GPHN: variants seen among roughly 807,000 people sequenced by gnomAD.
The protein encoded by GPHN is gephyrin.
In GPHN, 17 loss-of-function variants were observed where a neutral mutation model predicts 95.5. The observed-to-expected ratio is 0.18, with a 90% CI of 0.12 to 0.27. The LOEUF is 0.27. GPHN is among the 10% of genes least tolerant of loss of function. The pLI is 1.00. For synonymous variants in GPHN, 320 were observed against 322.5 expected (o/e 0.99, Z 0.08); for missense variants, 660 against 978.1 (o/e 0.67, Z 4.34).
chr14:66,730,777 T>C (rs991746551), intron 2 of GPHN, among the ~76,000 whole-genome samples: 9 of 152,228 alleles, frequency 5.9e-5, no homozygotes, highest in African/African-American at 2.2e-4. Flanking sequence ...ACATACTACA[T>C]ATTTTAAGTA....
chr14:67,397,609 G>C, the GPHN span: 1 of 1,481,408 alleles, frequency 6.8e-7, no homozygotes, highest in Non-Finnish European at 9.2e-7. Context: ...AGAGGCCAGA[G>C]GTGGGAAGGC....
the GPHN span, among the ~76,000 whole-genome samples, chr14:67,711,329 A>G: frequency 1.3e-5 from 2 of 152,242 alleles, no homozygotes; most frequent in Non-Finnish European, 2.9e-5. Context: ...AGTAATAAGT[A>G]TGAAATTGCT....
the GPHN span, chr14:67,650,318 T>C: frequency 4.0e-6 from 1 of 247,506 alleles, no homozygotes; most frequent in South Asian, 5.8e-5. Context: ...GCCTTCATAC[T>C]TGATTCATTT....
At chr14:67,568,587 C>T in the GPHN span, among the ~76,000 whole-genome samples, 1 of 152,046 alleles carries the variant, frequency 6.6e-6, no homozygotes, top group Non-Finnish European at 1.5e-5. Flanking sequence ...CATACGTACC[C>T]TGGAACTTAA....
At chr14:67,556,255 A>G in the GPHN span, among the ~76,000 whole-genome samples, 1 of 152,170 alleles carries the variant, frequency 6.6e-6, no homozygotes, top group Non-Finnish European at 1.5e-5. Context: ...TAGCTGGACC[A>G]CTTGGAATGC....
chr14:66,587,304 AAAG>A (rs1041553399), intron 1 of GPHN, among the ~76,000 whole-genome samples: 13 of 152,232 alleles, frequency 8.5e-5, no homozygotes, highest in African/African-American at 3.1e-4. Flanking sequence ...ACAAACATTT[AAAG>A]AAGAAGTAAT....
intron 1 of GPHN, among the ~76,000 whole-genome samples, chr14:66,528,082 T>G (rs2139899376): frequency 6.6e-6 from 1 of 152,338 alleles, no homozygotes; most frequent in Middle Eastern, 3.4e-3. Context: ...AGTCTCCCAC[T>G]ATTATTGTGT....
chr14:67,711,980 T>C, the GPHN span, among the ~76,000 whole-genome samples: 1 of 152,122 alleles, frequency 6.6e-6, no homozygotes, highest in African/African-American at 2.4e-5. Context: ...AGTGCAATGG[T>C]GCGATCTAGG....
intron 4 of GPHN, among the ~76,000 whole-genome samples, chr14:66,841,946 G>A (rs543299276): frequency 9.2e-5 from 14 of 152,040 alleles, no homozygotes; most frequent in Admixed American, 3.9e-4. Flanking sequence ...CCAGCTACTC[G>A]GGAGGCTGAG....
chr14:66,760,038 A>T (rs2058702875), intron 2 of GPHN, among the ~76,000 whole-genome samples: 1 of 152,190 alleles, frequency 6.6e-6, no homozygotes, highest in African/African-American at 2.4e-5. Context: ...AGTTGTTTTC[A>T]TGCATTATGT....
At chr14:67,582,836 TCAAAA>T in the GPHN span, among the ~76,000 whole-genome samples, 1 of 152,140 alleles carries the variant, frequency 6.6e-6, no homozygotes, top group Non-Finnish European at 1.5e-5. This position sits in a 1 kb window ranked among gnomAD's most constrained non-coding sequence, Gnocchi z 5.0. Flanking sequence ...AAACTCTGTC[TCAAAA>T]CAAAACAAAA....
At chr14:66,989,243 T>A (rs1594745041) in intron 9 of GPHN, among the ~76,000 whole-genome samples, 3 of 151,886 alleles carry the variant, frequency 2.0e-5, no homozygotes, top group Admixed American at 6.6e-5. Flanking sequence ...GTCATTTTTT[T>A]TAAAAAAAAG....
the GPHN span, among the ~76,000 whole-genome samples, chr14:67,420,631 T>C: frequency 0.36 from 54,451 of 152,048 alleles, 14,019 homozygotes; most frequent in African/African-American, 0.7. Flanking sequence ...ATCCCACCCT[T>C]GCCAGCGCCG....
At chr14:67,002,387 A>C (rs1263896728) in intron 9 of GPHN, among the ~76,000 whole-genome samples, 1 of 133,140 alleles carries the variant, frequency 7.5e-6, no homozygotes, top group African/African-American at 2.8e-5. Flanking sequence ...TTAGGGCTTG[A>C]GATCGTGAGA....
At chr14:67,697,315 T>A in the GPHN span, among the ~76,000 whole-genome samples, 6,387 of 152,156 alleles carry the variant, frequency 0.042, 375 homozygotes, top group African/African-American at 0.13. Flanking sequence ...TTTGAGGAAA[T>A]AACATTTGAG....
intron 10 of GPHN, among the ~76,000 whole-genome samples, chr14:67,045,434 T>C (rs1006656379): frequency 6.6e-6 from 1 of 151,086 alleles, no homozygotes; most frequent in African/African-American, 2.4e-5. Context: ...TCTTTCTGTC[T>C]TTGTCTCTCT....
chr14:66,724,341 G>A (rs755189298), intron 2 of GPHN, among the ~76,000 whole-genome samples: 3 of 151,972 alleles, frequency 2.0e-5, no homozygotes, highest in Admixed American at 6.6e-5. Context: ...TGGCAGCTGT[G>A]GACAAAACTT....
chr14:67,215,406 G>GGT, the GPHN span, among the ~76,000 whole-genome samples: 4,725 of 109,510 alleles, frequency 0.043, 87 homozygotes, highest in African/African-American at 0.066. Flanking sequence ...CTGATCTATT[G>GGT]TTTTTTTTTT....
At chr14:67,196,223 C>CTTTTTT in the GPHN span, among the ~76,000 whole-genome samples, 1 of 143,116 alleles carries the variant, frequency 7.0e-6, no homozygotes. Flanking sequence ...TTCTTTCTTT[C>CTTTTTT]TTTTTTTTTT....
Sources: allele counts gnomAD v4.1 joint callset (sites outside exome capture counted in the v4.1 genomes callset), GRCh38; gene constraint gnomAD v4.1.1; non-coding constraint Gnocchi (gnomAD v3.1); transcripts MANE v1.5; gene names NCBI Gene and HGNC (gene_info 2026-07-23, HGNC 2026-07-21).